Variants in NKAIN3 observed in about 807,000 individuals in gnomAD.
The protein encoded by NKAIN3 is sodium/potassium-transporting ATPase subunit beta-1-interacting protein 3.
In NKAIN3, 25 loss-of-function variants were observed where a neutral mutation model predicts 30.2. The observed-to-expected ratio is 0.83, with a 90% CI of 0.60 to 1.16. The LOEUF is 1.16. Among genes scored for constraint, NKAIN3 ranks in the 50% most tolerant of loss-of-function variants. The pLI is 0.00. For missense variants in NKAIN3, 225 were observed against 254.1 expected (o/e 0.89, Z 0.78); for synonymous variants, 91 against 89.6 (o/e 1.02, Z -0.09).
At chr8:62,318,761 C>T (rs573109360) in intron 1 of NKAIN3, among the ~76,000 whole-genome samples, 328 of 152,168 alleles carry the variant, frequency 2.2e-3, no homozygotes, top group Non-Finnish European at 3.2e-3. Context: ...ATTTTTGCAT[C>T]GATATTCATC....
chr8:62,429,424 A>G (rs1221054738), intron 1 of NKAIN3, among the ~76,000 whole-genome samples: 4 of 151,946 alleles, frequency 2.6e-5, no homozygotes, highest in Non-Finnish European at 5.9e-5. Context: ...ATTTCTGTAT[A>G]TTGAACCATC....
intron 4 of NKAIN3, among the ~76,000 whole-genome samples, chr8:62,804,780 A>G (rs1818210816): frequency 6.6e-6 from 1 of 152,254 alleles, no homozygotes; most frequent in East Asian, 1.9e-4. Context: ...TATTCAACAT[A>G]GTGTTGGAAG....
intron 4 of NKAIN3, among the ~76,000 whole-genome samples, chr8:62,871,402 C>CA (rs35286231): frequency 0.012 from 425 of 34,114 alleles, 2 homozygotes; most frequent in East Asian, 0.028. Context: ...GACTCTGTCT[C>CA]AAAAAAAAAA....
chr8:62,467,632 TC>T (rs1428857977), intron 1 of NKAIN3, among the ~76,000 whole-genome samples: 1 of 152,174 alleles, frequency 6.6e-6, no homozygotes, highest in Non-Finnish European at 1.5e-5. Context: ...TCCTTTAAAA[TC>T]ATATAAAATA....
chr8:62,761,050 G>C (rs1339310367), intron 4 of NKAIN3, among the ~76,000 whole-genome samples: 1 of 151,934 alleles, frequency 6.6e-6, no homozygotes, highest in East Asian at 1.9e-4. Flanking sequence ...TCTCCTAGTA[G>C]GTTTGTCCTA....
At chr8:62,899,942 T>G (rs987397556) in intron 4 of NKAIN3, among the ~76,000 whole-genome samples, 6 of 151,550 alleles carry the variant, frequency 4.0e-5, no homozygotes, top group African/African-American at 1.5e-4. Context: ...ACTACTCAGG[T>G]GACAGGTACA....
At chr8:62,274,204 C>T (rs1812862425) in intron 1 of NKAIN3, among the ~76,000 whole-genome samples, 1 of 152,138 alleles carries the variant, frequency 6.6e-6, no homozygotes. Context: ...GCTTGCACCA[C>T]ACACATAATG....
intron 4 of NKAIN3, among the ~76,000 whole-genome samples, chr8:62,831,256 A>G (rs1227276505): frequency 6.6e-6 from 1 of 152,182 alleles, no homozygotes; most frequent in Non-Finnish European, 1.5e-5. Context: ...AATGAAAAAA[A>G]TTACAAAATT....
intron 4 of NKAIN3, among the ~76,000 whole-genome samples, chr8:62,810,527 T>TCTC (rs1418115457): frequency 2.0e-5 from 3 of 152,158 alleles, no homozygotes; most frequent in African/African-American, 7.2e-5. Context: ...AAACTAGATA[T>TCTC]CTCTTTTAAT....
chr8:62,907,697 A>G (rs1448523017), intron 4 of NKAIN3, among the ~76,000 whole-genome samples: 1 of 152,220 alleles, frequency 6.6e-6, no homozygotes, highest in African/African-American at 2.4e-5. Flanking sequence ...CCTTGGCAGC[A>G]TACACGTGGT....
At chr8:62,303,169 C>G (rs1004315177) in intron 1 of NKAIN3, among the ~76,000 whole-genome samples, 3 of 150,416 alleles carry the variant, frequency 2.0e-5, no homozygotes, top group Non-Finnish European at 2.9e-5. Flanking sequence ...AACAGTTGTG[C>G]TCTTTGGTCA....
At chr8:62,336,485 C>A (rs527420390) in intron 1 of NKAIN3, among the ~76,000 whole-genome samples, 1 of 152,112 alleles carries the variant, frequency 6.6e-6, no homozygotes, top group East Asian at 1.9e-4. Context: ...CTTTTCAAGG[C>A]CCTTGGGGCT....
chr8:62,759,886 C>T (rs2130613796), intron 4 of NKAIN3, among the ~76,000 whole-genome samples: 1 of 152,062 alleles, frequency 6.6e-6, no homozygotes, highest in South Asian at 2.1e-4. Flanking sequence ...AGGGCTGATA[C>T]CCAGAATCTA....
At chr8:62,869,985 T>C (rs550906669) in intron 4 of NKAIN3, among the ~76,000 whole-genome samples, 20 of 151,814 alleles carry the variant, frequency 1.3e-4, no homozygotes, top group South Asian at 4.1e-4. Flanking sequence ...TTAGCCAAGA[T>C]GGTCTCGATC....
chr8:62,585,680 G>A (rs1020246478), intron 2 of NKAIN3, among the ~76,000 whole-genome samples: 17 of 152,116 alleles, frequency 1.1e-4, no homozygotes, highest in Middle Eastern at 3.2e-3. Flanking sequence ...GATCTGACAG[G>A]AGGCAGAGCT....
chr8:62,304,467 G>A (rs1017139190), intron 1 of NKAIN3, among the ~76,000 whole-genome samples: 5 of 150,232 alleles, frequency 3.3e-5, no homozygotes, highest in Admixed American at 2.0e-4. Context: ...AGACATTTTG[G>A]GGGAATAATG....
At chr8:62,858,220 C>T (rs1820122506) in intron 4 of NKAIN3, among the ~76,000 whole-genome samples, 1 of 152,166 alleles carries the variant, frequency 6.6e-6, no homozygotes, top group African/African-American at 2.4e-5. Context: ...GGCAGCCTGC[C>T]CCTTCCTCTG....
chr8:62,292,151 TCCTGAATGCAGCA>T (rs1267728116), intron 1 of NKAIN3, among the ~76,000 whole-genome samples: 1 of 152,008 alleles, frequency 6.6e-6, no homozygotes, highest in Non-Finnish European at 1.5e-5. Flanking sequence ...GAGATGGGTC[TCCTGAATGCAGCA>T]CACTGATGGG....
chr8:62,536,518 G>A (rs1357046617), intron 1 of NKAIN3, among the ~76,000 whole-genome samples: 1 of 151,920 alleles, frequency 6.6e-6, no homozygotes, highest in East Asian at 1.9e-4. Flanking sequence ...AACTGAATAA[G>A]GAAGGAGTTC....
Sources: allele counts gnomAD v4.1 joint callset (sites outside exome capture counted in the v4.1 genomes callset), GRCh38; gene constraint gnomAD v4.1.1; transcripts MANE v1.5; gene names NCBI Gene and HGNC (gene_info 2026-07-23, HGNC 2026-07-21).